The following ROBO2 variants were observed in gnomAD, a reference collection of about 807,000 sequenced individuals.
ROBO2 encodes roundabout guidance receptor 2.
In ROBO2, 53 loss-of-function variants were observed where a neutral mutation model predicts 160.8. The ratio of observed to expected loss-of-function variants is 0.33; its 90% CI spans 0.26 to 0.41. The LOEUF is 0.41. ROBO2 is among the 10% of genes least tolerant of loss of function. The probability of loss-of-function intolerance (pLI) is 1.00; values close to 1 mark genes in which losing one functional copy is unlikely to be tolerated. For synonymous variants in ROBO2, 664 were observed against 611.7 expected (o/e 1.09, Z -1.26); for missense variants, 1,577 against 1,722.4 (o/e 0.92, Z 1.49).
At chr3:76,495,791 G>A (rs1297743981) in intron 2 of ROBO2, among the ~76,000 whole-genome samples, 4 of 152,138 alleles carry the variant, frequency 2.6e-5, no homozygotes, top group East Asian at 1.9e-4. Flanking sequence ...AAATCCATGT[G>A]TGAGATAAAT....
chr3:76,846,481 T>C lies in ROBO2; in HGVS notation c.110-251533T>C, dbSNP rs908449395. On this transcript the variant is annotated intron_variant, in intron 2 of 26. Coordinates refer to the ROBO2 transcript ENST00000487694. ...TTAAGAAACCTGAAAACCTGAAAGA[T>C]GAATCGATTTTTTGTTTTCTTACTT... Among the ~76,000 whole-genome samples the C allele has an allele frequency of 2.0e-5, 3 of 152,192 alleles. No individual in the cohort carries two copies. The East Asian group carries it at 5.8e-4, about 30-fold the overall frequency.
intron 2 of ROBO2, among the ~76,000 whole-genome samples, chr3:76,749,967 T>C (rs567099700): frequency 1.3e-5 from 2 of 152,216 alleles, no homozygotes; most frequent in South Asian, 2.1e-4. Flanking sequence ...ATCATCCTGA[T>C]ACCAAAGCCG....
intron 2 of ROBO2, among the ~76,000 whole-genome samples, chr3:76,695,941 GC>G (rs1354681979): frequency 6.6e-6 from 1 of 152,162 alleles, no homozygotes; most frequent in Non-Finnish European, 1.5e-5. Flanking sequence ...ATACCTTCAT[GC>G]TTTCCATGAA....
At chr3:76,586,871 G>A (rs1560193075) in intron 2 of ROBO2, among the ~76,000 whole-genome samples, 1 of 152,218 alleles carries the variant, frequency 6.6e-6, no homozygotes. Context: ...CACACTGATA[G>A]TGTCTCCAGA....
At chr3:77,525,326 T>A (rs1192981755) in intron 6 of ROBO2, among the ~76,000 whole-genome samples, 1 of 148,630 alleles carries the variant, frequency 6.7e-6, no homozygotes, top group African/African-American at 2.5e-5. Flanking sequence ...AATTTTATCA[T>A]AACATTCACA....
chr3:76,334,474 C>T (rs1256077231), intron 2 of ROBO2, among the ~76,000 whole-genome samples: 1 of 152,086 alleles, frequency 6.6e-6, no homozygotes, highest in Non-Finnish European at 1.5e-5. Context: ...AAAGACATCT[C>T]AAGTTGAAGA....
rs2087226530 is a variant in ROBO2, at chr3:76,602,441, A to G, written c.110-495573A>G. The stretch of plus-strand genomic sequence containing the variant: ...GCATACCCAAGACCTGGTAATTTAC[A>G]AAAGAAGAGGTTTAATTCAACTCAC... On this transcript the variant is annotated intron_variant, in intron 2 of 26. Transcript: ENST00000487694. Among the ~76,000 whole-genome samples the G allele has an allele frequency of 2.0e-5, 3 of 152,348 alleles. No homozygotes were observed. The South Asian group carries it at 6.2e-4, about 32-fold the overall frequency.
In ROBO2 at chr3:76,848,787, A is replaced by G. The variant is rs143949446; in HGVS notation, c.110-249227A>G. 3.0e-4 allele frequency among the ~76,000 whole-genome samples: 46 copies of G among 152,256 alleles called. No homozygotes were observed. In the East Asian group the frequency reaches 4.1e-3, roughly 13 times the overall value. ...CACTCTCATGGTCTGTTCATTTCCC[A>G]AAGATCGTACCTCCCTAATAGACTA... On this transcript the variant is annotated intron_variant, in intron 2 of 26. Coordinates refer to the ROBO2 transcript ENST00000487694.
chr3:76,900,718 C>T (rs2075158863), intron 2 of ROBO2, among the ~76,000 whole-genome samples: 1 of 152,098 alleles, frequency 6.6e-6, no homozygotes, highest in African/African-American at 2.4e-5. Flanking sequence ...TCCTGTGGCT[C>T]ATTTGAAGGC....
chr3:76,514,506 T>A (rs2081256057), intron 2 of ROBO2, among the ~76,000 whole-genome samples: 1 of 152,166 alleles, frequency 6.6e-6, no homozygotes, highest in South Asian at 2.1e-4. Context: ...CAATATTCAA[T>A]TGGAAATATT....
intron 2 of ROBO2, among the ~76,000 whole-genome samples, chr3:76,503,897 A>G (rs1256708614): frequency 6.6e-6 from 1 of 152,196 alleles, no homozygotes; most frequent in African/African-American, 2.4e-5. Flanking sequence ...GCTTTCAAAT[A>G]ATTCACTGAA....
intron 2 of ROBO2, among the ~76,000 whole-genome samples, chr3:76,883,814 A>G (rs1281665710): frequency 3.3e-5 from 5 of 152,222 alleles, no homozygotes; most frequent in African/African-American, 1.2e-4. Context: ...CAACAATATT[A>G]TCTCTCAATA....
chr3:76,279,838 T>G (rs1708138087), intron 2 of ROBO2, among the ~76,000 whole-genome samples: 1 of 152,070 alleles, frequency 6.6e-6, no homozygotes, highest in East Asian at 1.9e-4. Flanking sequence ...CTATGATCCC[T>G]AATATAGCAT....
intron 2 of ROBO2, among the ~76,000 whole-genome samples, chr3:76,997,589 G>A (rs6786589): frequency 0.51 from 77,648 of 151,920 alleles, 20,464 homozygotes; most frequent in East Asian, 0.8. Context: ...TGTAATTATT[G>A]TGTTACAAGT....
At chr3:76,171,743 A>G (rs1559610892) in intron 2 of ROBO2, among the ~76,000 whole-genome samples, 1 of 152,100 alleles carries the variant, frequency 6.6e-6, no homozygotes, top group Non-Finnish European at 1.5e-5. Context: ...TGCAAAAAGA[A>G]TGAGGGTGGG....
chr3:77,159,033 C>CTT, intron 2 of ROBO2, among the ~76,000 whole-genome samples: 1 of 152,108 alleles, frequency 6.6e-6, no homozygotes, highest in South Asian at 2.1e-4. Flanking sequence ...CTCAAGTCAT[C>CTT]ATTCTTAATT....
intron 2 of ROBO2, among the ~76,000 whole-genome samples, chr3:76,620,590 T>C (rs1261498972): frequency 6.6e-6 from 1 of 152,116 alleles, no homozygotes; most frequent in Non-Finnish European, 1.5e-5. Context: ...CAATACTAAT[T>C]TTTATGTGTT....
At chr3:76,049,022 AT>A in intron 2 of ROBO2, among the ~76,000 whole-genome samples, 1 of 152,208 alleles carries the variant, frequency 6.6e-6, no homozygotes, top group South Asian at 2.1e-4. Context: ...ACAACTATTA[AT>A]AAAAATAAAG....
intron 2 of ROBO2, among the ~76,000 whole-genome samples, chr3:76,179,586 A>C (rs1701399998): frequency 1.3e-5 from 2 of 152,154 alleles, no homozygotes; most frequent in South Asian, 4.1e-4. Context: ...TCTTCTGTTC[A>C]GAACACTTCT....
Sources: gnomAD v4.1 joint callset for allele counts (sites outside exome capture counted in the v4.1 genomes callset) on GRCh38, gnomAD v4.1.1 for gene constraint, MANE v1.5 for transcripts, NCBI Gene and HGNC (gene_info 2026-07-23, HGNC 2026-07-21) for gene names.